KLHL10: variants seen among roughly 807,000 people sequenced by gnomAD.
The protein encoded by KLHL10 is kelch-like protein 10.
In KLHL10, 11 loss-of-function variants were observed where a neutral mutation model predicts 46.6. The ratio of observed to expected loss-of-function variants is 0.24; its 90% CI spans 0.15 to 0.39. KLHL10 has a LOEUF of 0.39. Among genes scored for constraint, KLHL10 ranks in the 10% least tolerant of loss-of-function variants. The pLI, the probability that KLHL10 is intolerant of heterozygous loss-of-function variation, is 1.00. For missense variants in KLHL10, 475 were observed against 789.8 expected, an observed-to-expected ratio of 0.60 and a Z score of 4.78; for synonymous variants, 254 against 279.1, an observed-to-expected ratio of 0.91 and a Z score of 0.90.
chr17:41,842,896 C>G (rs2048241106), intron 2 of KLHL10, among the ~76,000 whole-genome samples: 1 of 150,140 alleles, frequency 6.7e-6, no homozygotes, highest in Non-Finnish European at 1.5e-5. Flanking sequence ...GAGATCATGC[C>G]ACTGCACTCA....
In KLHL10 at chr17:41,847,395, A is replaced by T; in HGVS notation, c.1437A>T (p.Gly479=). 6.2e-7 allele frequency: 1 copy of T among 1,614,132 alleles called. No individual in the cohort carries two copies. The change falls in exon 4 of 5, where the codon GGA becomes GGT. Residue 479 remains glycine (G), a synonymous_variant. Transcript: ENST00000293303. ...RRSGIGVIAY[G]EHVYAVGGFD... ...GTGGAATAGGCGTGATTGCTTATGG[A>T]GAACATGTATATGCGGTAAGTTTAT...
At position 41,845,109 on chromosome 17, in the gene KLHL10, C is replaced by T. The variant is rs782814689; in HGVS notation, c.685-17C>T. ...ACTCTCACGTCACCTGAATGACTTTCTGCGTTTGCTTCTTAGGTTCGCCTG... is the reference window on the plus strand; with the variant it reads ...ACTCTCACGTCACCTGAATGACTTTTTGCGTTTGCTTCTTAGGTTCGCCTG... On this transcript the variant is annotated splice_polypyrimidine_tract_variant and intron_variant, in intron 2 of 4. Coordinates refer to ENST00000293303, the MANE Select transcript of KLHL10 (RefSeq NM_152467.5). The T allele has an allele frequency of 2.5e-6, 4 of 1,614,154 alleles. No homozygotes were observed. Among genetic ancestry groups the T allele is most frequent in the Non-Finnish European group, 3.4e-6 (4 of 1,180,030 alleles).
Position 41,842,286 on chromosome 17 carries a change from C to T in KLHL10, c.658C>T (p.Gln220Ter). The stretch of plus-strand genomic sequence containing the variant: ...TTCTCATGACCCCCAAAATAGAAAG[C>T]AGCACATTTCAATTTTGCTTCCTAA... ...WISHDPQNRK[Q>*]HISILLPKVR... Residue 220 changes from glutamine to a stop codon, truncating the protein, a stop_gained, in exon 2 of 5, where the codon CAG (glutamine) becomes TAG (stop). Transcript: ENST00000293303. LOFTEE classifies it high-confidence loss of function. 1 of 1,614,048 alleles carries T rather than the reference C, an allele frequency of 6.2e-7. No individual in the cohort carries two copies. Among genetic ancestry groups the T allele is most frequent in the Non-Finnish European group, 8.5e-7 (1 of 1,180,044 alleles).
At position 41,842,082 on chromosome 17, in the gene KLHL10, T is replaced by C. The variant is rs782469970; in HGVS notation, c.454T>C (p.Tyr152His). The change falls in exon 2 of 5, where the codon TAC becomes CAC. Residue 152 changes from tyrosine to histidine, a missense_variant. Tyr to His is a moderately conservative substitution (Grantham distance 83). Coordinates refer to ENST00000293303, the MANE Select transcript of KLHL10 (RefSeq NM_152467.5). ...IGICKFTDYY[Y>H]CPELRQKAYM... ...CATCTGTAAGTTCACGGACTACTAC[T>C]ACTGTCCTGAGCTGAGGCAGAAGGC... The C allele has an allele frequency of 2.4e-5, 38 of 1,614,030 alleles. No homozygotes were observed. The highest frequency in any genetic ancestry group is 2.9e-5 in the Non-Finnish European group (34 of 1,180,044).
intron 1 of KLHL10, 24 bp from the exon 2 acceptor site, chr17:41,841,799 T>C: frequency 6.2e-7 from 1 of 1,614,170 alleles, no homozygotes; most frequent in Non-Finnish European, 8.5e-7. Flanking sequence ...TTTCCGTGGC[T>C]GCTAGTTTCT....
chr17:41,845,677 A>G lies in KLHL10; in HGVS notation c.1236A>G (p.Gln412=), dbSNP rs1555621316. The G allele has an allele frequency of 1.9e-6, 3 of 1,611,788 alleles. No homozygotes were observed. The highest frequency in any genetic ancestry group is 2.5e-6 in the Non-Finnish European group (3 of 1,178,234). ...AACGTTATGAGCCAGAGACCAATCA[A>G]TGGACACTCATCGCCCCCATGCACG... ...TAERYEPETN[Q]WTLIAPMHEQ... The change falls in exon 3 of 5, where the codon CAA becomes CAG. Residue 412 remains glutamine (Q), a synonymous_variant. Transcript: ENST00000293303.
chr17:41,839,613 G>A (rs1416425618), intron 1 of KLHL10, among the ~76,000 whole-genome samples: 1 of 152,200 alleles, frequency 6.6e-6, no homozygotes, highest in Admixed American at 6.5e-5. Context: ...AGCTGAAAAT[G>A]TTTGAGTAAT....
upstream of KLHL10, chr17:41,836,250 G>A (rs1235658607): frequency 6.0e-5 from 74 of 1,229,106 alleles, no homozygotes; most frequent in Non-Finnish European, 7.3e-5. Flanking sequence ...CGACCGCACT[G>A]CGCAGGCGTC....
chr17:41,837,980 C>A lies in KLHL10; in HGVS notation c.48C>A (p.His16Gln). 1.9e-6 allele frequency: 3 copies of A among 1,614,094 alleles called. No homozygotes were observed. Among genetic ancestry groups the A allele is most frequent in the Non-Finnish European group, 2.5e-6 (3 of 1,180,016 alleles). Residue 16 changes from histidine (H) to glutamine (Q), a missense_variant, in exon 1 of 5, where the codon CAC (histidine) becomes CAA (glutamine). By Grantham distance (24) the His-to-Gln change is conservative. Transcript: ENST00000293303. ...AAASTRFHQP[H>Q]MERKMSAMAC... ...CCTCCACACGTTTCCACCAGCCTCA[C>A]ATGGAGAGGAAGATGAGTGCGATGG... is the stretch of plus-strand genomic sequence containing the variant.
rs4796720 is a variant in KLHL10, at chr17:41,847,107, C to G, written c.1303-154C>G. Reference sequence around the variant, plus strand: ...TGGGTGACAGAGCGAGACTCTGTCTCTAAAAAATAAATAAAAAGCAATGCA... The same window carrying G: ...TGGGTGACAGAGCGAGACTCTGTCTGTAAAAAATAAATAAAAAGCAATGCA... On this transcript the variant is annotated intron_variant, in intron 3 of 4. Coordinates refer to ENST00000293303, the MANE Select transcript of KLHL10 (RefSeq NM_152467.5). Among the ~76,000 whole-genome samples, 137,347 of 152,118 alleles carry G rather than the reference C, an allele frequency of 0.9. 62,146 individuals carry two copies. The highest frequency in any genetic ancestry group is 1 in the East Asian group (5,168 of 5,170).
chr17:41,842,137 A>G lies in KLHL10; in HGVS notation c.509A>G (p.Glu170Gly). 1 of 1,614,164 alleles carries G rather than the reference A, an allele frequency of 6.2e-7. No homozygotes were observed. Among genetic ancestry groups the G allele is most frequent in the Non-Finnish European group, 8.5e-7 (1 of 1,180,038 alleles). ...ATGTTCATACTGCACAACTTTGAGG[A>G]GATGGTGAAAGTCTCGGCAGAATTT... ...AYMFILHNFE[E>G]MVKVSAEFLE... The change falls in exon 2 of 5, where the codon GAG becomes GGG. Residue 170 changes from glutamate to glycine, a missense_variant. Transcript: ENST00000293303.
At chr17:41,835,968 A>C (rs782241055), upstream of KLHL10, 116 of 1,566,962 alleles carry the variant, frequency 7.4e-5, no homozygotes, top group Non-Finnish European at 9.9e-5. Context: ...CTGTCCCGAG[A>C]CCCGAGAGAA....
In KLHL10 at chr17:41,847,918, T is replaced by C. The variant is rs781916470; in HGVS notation, c.1453-15T>C. ...AATGGTTAGCAGTCAACCGTGTTTC[T>C]TTTGCTATCCACAGGTAGGTGGCTT... On this transcript the variant is annotated splice_polypyrimidine_tract_variant and intron_variant, in intron 4 of 4. Coordinates refer to ENST00000293303, the MANE Select transcript of KLHL10 (RefSeq NM_152467.5). 5.0e-6 allele frequency: 8 copies of C among 1,613,754 alleles called. No individual in the cohort carries two copies. The South Asian group carries it at 7.7e-5, about 16-fold the overall frequency.
At position 41,845,250 on chromosome 17, in the gene KLHL10, A is replaced by C; in HGVS notation, c.809A>C (p.Asn270Thr). 6.2e-7 allele frequency: 1 copy of C among 1,614,236 alleles called. No individual in the cohort carries two copies. Among genetic ancestry groups the C allele is most frequent in the Non-Finnish European group, 8.5e-7 (1 of 1,180,044 alleles). ...GCCCTAAAGGCCATGTATGACCTCA[A>C]CATGAATGGACCCTCTAATTCTGAT... is the stretch of plus-strand genomic sequence containing the variant. ...INALKAMYDLNMNGPSNSDFT... is the reference protein window; with the variant it reads ...INALKAMYDLTMNGPSNSDFT... The change falls in exon 3 of 5, where the codon AAC (asparagine) becomes ACC (threonine). Residue 270 changes from asparagine to threonine, a missense_variant. Transcript: ENST00000293303.
In KLHL10 at chr17:41,847,249, C is replaced by T; in HGVS notation, c.1303-12C>T. 1 of 1,613,600 alleles carries T rather than the reference C, an allele frequency of 6.2e-7. No homozygotes were observed. The highest frequency in any genetic ancestry group is 8.5e-7 in the Non-Finnish European group (1 of 1,179,546). On this transcript the variant is annotated splice_polypyrimidine_tract_variant and intron_variant, in intron 3 of 4. Transcript: ENST00000293303. ...AGTGGGAATTTTAATAATCTTGGAA[C>T]TCTTCACACAGGTCTACATATGTGG...
chr17:41,843,280 G>A (rs1024356366), intron 2 of KLHL10, among the ~76,000 whole-genome samples: 6 of 151,924 alleles, frequency 3.9e-5, no homozygotes, highest in African/African-American at 2.4e-5. Flanking sequence ...GCGGAGGCAG[G>A]TGGATCACCT....
rs1302156953 is a variant in KLHL10, at chr17:41,845,723, G to A, written c.1282G>A (p.Ala428Thr). 5.0e-6 allele frequency: 8 copies of A among 1,613,680 alleles called. No homozygotes were observed. Among genetic ancestry groups the A allele is most frequent in the African/African-American group, 2.7e-5 (2 of 74,890 alleles). ...GCACGAACAGAGGAGTGATGCAAGCGCCACAACACTTTATGGGAAGGTAAA... is the reference window on the plus strand; with the variant it reads ...GCACGAACAGAGGAGTGATGCAAGCACCACAACACTTTATGGGAAGGTAAA... ...PMHEQRSDAS[A>T]TTLYGKVYIC... Residue 428 changes from alanine to threonine, a missense_variant, in exon 3 of 5, where the codon GCC becomes ACC. By Grantham distance (58) the Ala-to-Thr change is moderately conservative (BLOSUM62 0). Coordinates refer to ENST00000293303, the MANE Select transcript of KLHL10 (RefSeq NM_152467.5).
At chr17:41,846,513 A>C (rs2048287931) in intron 3 of KLHL10, among the ~76,000 whole-genome samples, 1 of 150,732 alleles carries the variant, frequency 6.6e-6, no homozygotes, top group Non-Finnish European at 1.5e-5. Flanking sequence ...CTCCAGCCTG[A>C]TGACAGAGCA....
At chr17:41,839,272 G>A (rs904219320) in intron 1 of KLHL10, among the ~76,000 whole-genome samples, 1 of 152,236 alleles carries the variant, frequency 6.6e-6, no homozygotes, top group African/African-American at 2.4e-5. Flanking sequence ...TTACAGGCAT[G>A]AGCCACTGCA....
Sources: gnomAD v4.1 joint callset for allele counts (sites outside exome capture counted in the v4.1 genomes callset) on GRCh38, gnomAD v4.1.1 for gene constraint, MANE v1.5 for transcripts, NCBI Gene and HGNC (gene_info 2026-07-23, HGNC 2026-07-21) for gene names.